Variants in CTNNA2 observed in about 807,000 individuals in gnomAD.
CTNNA2 encodes catenin alpha 2.
CTNNA2 carries 42 observed loss-of-function variants against 101.0 expected under a neutral mutation model. The ratio of observed to expected loss-of-function variants is 0.42; its 90% CI spans 0.32 to 0.54. CTNNA2 has a LOEUF of 0.54. CTNNA2 is among the 20% of genes least tolerant of loss of function. The pLI is 0.14. For missense variants in CTNNA2, 871 were observed against 1,223.1 expected (o/e 0.71, Z 4.29); for synonymous variants, 450 against 456.4 (o/e 0.99, Z 0.18).
chr2:80,596,752 G>A lies in CTNNA2; in HGVS notation c.2189+7267G>A, dbSNP rs185468547. Among the ~76,000 whole-genome samples, 245 of 151,790 alleles carry A rather than the reference G, an allele frequency of 1.6e-3. 3 individuals are homozygous for A. Among genetic ancestry groups the A allele is most frequent in the African/African-American group, 5.2e-3 (213 of 41,218 alleles). On this transcript the variant is annotated intron_variant, in intron 15 of 18. Coordinates refer to ENST00000402739, the MANE Select transcript of CTNNA2 (RefSeq NM_001282597.3). ...AGAACTTCCAATACTATGTTGAATA[G>A]GAGTGATGAGAAAGGGCATCCTTGT...
intron 9 of CTNNA2, among the ~76,000 whole-genome samples, chr2:80,444,687 G>C (rs190427099): frequency 6.6e-6 from 1 of 152,280 alleles, no homozygotes; most frequent in Non-Finnish European, 1.5e-5. Context: ...TGTGATTAGC[G>C]TCCTTATAGG....
intron 2 of CTNNA2, among the ~76,000 whole-genome samples, chr2:79,706,336 C>G (rs933101523): frequency 1.2e-4 from 17 of 141,810 alleles, no homozygotes; most frequent in African/African-American, 4.3e-4. Context: ...GCACTCCGCC[C>G]TGGGCGACAG....
intron 7 of CTNNA2, among the ~76,000 whole-genome samples, chr2:80,084,890 C>T (rs184211365): frequency 2.1e-4 from 32 of 152,104 alleles, no homozygotes; most frequent in Admixed American, 1.3e-3. Context: ...GCTCCCAAGA[C>T]ATAGCACTGA....
At chr2:80,179,051 T>G (rs966176745) in intron 7 of CTNNA2, among the ~76,000 whole-genome samples, 5 of 152,036 alleles carry the variant, frequency 3.3e-5, no homozygotes, top group East Asian at 1.9e-4. Flanking sequence ...TGCCAGAGAG[T>G]TGATGTACCC....
At chr2:79,765,101 G>T (rs1426425996) in intron 3 of CTNNA2, among the ~76,000 whole-genome samples, 1 of 152,160 alleles carries the variant, frequency 6.6e-6, no homozygotes, top group African/African-American at 2.4e-5. Context: ...GATTTAATAA[G>T]TTTTTGGTTT....
chr2:79,823,115 G>A (rs982216606), intron 3 of CTNNA2, among the ~76,000 whole-genome samples: 4 of 152,150 alleles, frequency 2.6e-5, no homozygotes, highest in African/African-American at 4.8e-5. Context: ...ATAACAGAGC[G>A]ACGACTTTTG....
At chr2:80,310,249 A>G (rs888905096) in intron 7 of CTNNA2, among the ~76,000 whole-genome samples, 8 of 152,178 alleles carry the variant, frequency 5.3e-5, no homozygotes, top group African/African-American at 1.9e-4. Context: ...TTTCTCTCCT[A>G]TTAGATTTTA....
intron 5 of CTNNA2, among the ~76,000 whole-genome samples, chr2:79,507,934 G>A (rs1164306172): frequency 6.6e-6 from 1 of 152,184 alleles, no homozygotes; most frequent in Non-Finnish European, 1.5e-5. Flanking sequence ...ACAATTTATT[G>A]TGGAAATCAC....
rs140464761 is a variant in CTNNA2 at position 79,694,992 on chromosome 2, A to G, written c.102+43334A>G. Among the ~76,000 whole-genome samples, 146 of 150,834 alleles carry G rather than the reference A, an allele frequency of 9.7e-4. 5 individuals carry two copies. In the South Asian group the frequency reaches 0.022, roughly 22 times the overall value. ...CAGCCTAAAGCGGCATCATTTAGTGAGGTCTCAAGGCCGTATGAAACCAAG... is the reference window on the plus strand; with the variant it reads ...CAGCCTAAAGCGGCATCATTTAGTGGGGTCTCAAGGCCGTATGAAACCAAG... On this transcript the variant is annotated intron_variant, in intron 2 of 18. Transcript: ENST00000402739.
chr2:79,495,416 G>A (rs1197979658), intron 4 of CTNNA2, among the ~76,000 whole-genome samples: 1 of 152,044 alleles, frequency 6.6e-6, no homozygotes, highest in African/African-American at 2.4e-5. Context: ...AAACCAAAAG[G>A]AGATACCAAA....
At chr2:80,487,652 GA>G (rs1338888989) in intron 9 of CTNNA2, among the ~76,000 whole-genome samples, 1 of 152,110 alleles carries the variant, frequency 6.6e-6, no homozygotes, top group Non-Finnish European at 1.5e-5. Context: ...GGGATTATGG[GA>G]ACTACAGTTC....
At chr2:80,543,115 T>A (rs1412183457) in intron 9 of CTNNA2, among the ~76,000 whole-genome samples, 1 of 152,230 alleles carries the variant, frequency 6.6e-6, no homozygotes, top group Non-Finnish European at 1.5e-5. Context: ...AAGCTATTGT[T>A]TAATTTATTA....
chr2:80,198,780 C>T (rs889778612), intron 7 of CTNNA2, among the ~76,000 whole-genome samples: 19 of 152,130 alleles, frequency 1.2e-4, no homozygotes, highest in Admixed American at 8.5e-4. Context: ...AGGCTTATTG[C>T]CCGTGATGTC....
intron 7 of CTNNA2, among the ~76,000 whole-genome samples, chr2:80,184,223 G>A (rs1705970337): frequency 6.6e-6 from 1 of 151,978 alleles, no homozygotes; most frequent in Non-Finnish European, 1.5e-5. Flanking sequence ...ATTTGTATTT[G>A]TACATTCTGT....
chr2:80,531,223 G>A (rs1690509743), intron 9 of CTNNA2, among the ~76,000 whole-genome samples: 4 of 152,186 alleles, frequency 2.6e-5, no homozygotes, highest in Admixed American at 1.3e-4. Context: ...CTGGAGTTGT[G>A]ACACAGGTTC....
At chr2:80,467,905 T>C (rs1326652114) in intron 9 of CTNNA2, among the ~76,000 whole-genome samples, 1 of 152,182 alleles carries the variant, frequency 6.6e-6, no homozygotes, top group Non-Finnish European at 1.5e-5. Flanking sequence ...GCCTCTAGAA[T>C]TGCAAGCAAT....
chr2:80,201,989 A>C (rs1233353836), intron 7 of CTNNA2, among the ~76,000 whole-genome samples: 1 of 152,140 alleles, frequency 6.6e-6, no homozygotes, highest in Admixed American at 6.6e-5. Context: ...CAACTGAGCA[A>C]GGAAAACATT....
intron 2 of CTNNA2, among the ~76,000 whole-genome samples, chr2:79,240,137 G>A (rs1674608243): frequency 6.6e-6 from 1 of 151,674 alleles, no homozygotes; most frequent in African/African-American, 2.4e-5. Context: ...CGAACTCCCA[G>A]CCTCAAGTGA....
In CTNNA2 at chr2:80,303,361, C is replaced by A; in HGVS notation, c.1057-89850C>A. 1.9e-6 allele frequency: 3 copies of A among 1,614,074 alleles called. No individual in the cohort carries two copies. Among genetic ancestry groups the A allele is most frequent in the Non-Finnish European group, 1.7e-6 (2 of 1,180,044 alleles). On this transcript the variant is annotated intron_variant, in intron 7 of 18. Transcript: ENST00000402739. The surrounding 1 kb of genome is among the most constrained non-coding windows in gnomAD (Gnocchi z 7.7). ...TCCGCAGCCCGTGGAAGAGGTCGGG[C>A]GCGAGCGCCTGCAGCTTGTTGTACG...
Sources: allele counts gnomAD v4.1 joint callset (sites outside exome capture counted in the v4.1 genomes callset), GRCh38; gene constraint gnomAD v4.1.1; non-coding constraint Gnocchi (gnomAD v3.1); transcripts MANE v1.5; gene names NCBI Gene and HGNC (gene_info 2026-07-23, HGNC 2026-07-21).